AGBL4: variants seen among roughly 807,000 people sequenced by gnomAD.
The protein encoded by AGBL4 is AGBL carboxypeptidase 4, also known as cytosolic carboxypeptidase 6.
Under a neutral mutation model 66.4 loss-of-function variants are expected in AGBL4, and 58 were observed. The ratio of observed to expected loss-of-function variants is 0.87; its 90% CI spans 0.71 to 1.09. The LOEUF is 1.09. AGBL4 is among the 50% of genes least tolerant of loss of function. The probability of loss-of-function intolerance (pLI) is 0.00; values close to 1 mark genes in which losing one functional copy is unlikely to be tolerated. For synonymous variants in AGBL4, 234 were observed against 222.9 expected (o/e 1.05, Z -0.44); for missense variants, 579 against 631.0 (o/e 0.92, Z 0.88).
intron 6 of AGBL4, among the ~76,000 whole-genome samples, chr1:48,664,260 G>A (rs1646152274): frequency 6.6e-6 from 1 of 152,180 alleles, no homozygotes; most frequent in Non-Finnish European, 1.5e-5. Flanking sequence ...GAATCCTCTT[G>A]ATTCTTTGTT....
chr1:48,836,888 G>C (rs2148791051), intron 6 of AGBL4, among the ~76,000 whole-genome samples: 1 of 150,518 alleles, frequency 6.6e-6, no homozygotes, highest in Admixed American at 6.6e-5. Flanking sequence ...GTAGAGGCTG[G>C]GCTAAATGTA....
At chr1:49,180,448 AC>A (rs1646910725) in intron 4 of AGBL4, among the ~76,000 whole-genome samples, 1 of 152,170 alleles carries the variant, frequency 6.6e-6, no homozygotes, top group South Asian at 2.1e-4. Flanking sequence ...CTTTCCAACA[AC>A]CATTTTACAG....
chr1:49,983,340 T>C (rs1305780081), intron 1 of AGBL4, among the ~76,000 whole-genome samples: 1 of 152,230 alleles, frequency 6.6e-6, no homozygotes, highest in Non-Finnish European at 1.5e-5. Flanking sequence ...AAGCTGCTTG[T>C]GGTACACCTA....
At chr1:49,661,030 T>A (rs1048455268) in intron 3 of AGBL4, among the ~76,000 whole-genome samples, 1 of 152,106 alleles carries the variant, frequency 6.6e-6, no homozygotes, top group Non-Finnish European at 1.5e-5. Context: ...GATGGGTTGA[T>A]AAGTGCAGCA....
At chr1:48,752,903 C>A (rs962241806) in intron 6 of AGBL4, among the ~76,000 whole-genome samples, 2 of 152,158 alleles carry the variant, frequency 1.3e-5, no homozygotes, top group African/African-American at 4.8e-5. Flanking sequence ...GCACGCGCCC[C>A]CATGCCCAGC....
At chr1:49,704,255 A>T (rs1294664293) in intron 2 of AGBL4, among the ~76,000 whole-genome samples, 1 of 152,092 alleles carries the variant, frequency 6.6e-6, no homozygotes, top group Non-Finnish European at 1.5e-5. Context: ...AGTAATCAAG[A>T]CAGTTTGGTA....
At chr1:49,721,713 C>G (rs1434074788) in intron 2 of AGBL4, among the ~76,000 whole-genome samples, 1 of 151,992 alleles carries the variant, frequency 6.6e-6, no homozygotes, top group Non-Finnish European at 1.5e-5. Context: ...AAAGGCCAAG[C>G]AAGAATTGAT....
intron 3 of AGBL4, among the ~76,000 whole-genome samples, chr1:49,678,223 CTA>C (rs1172007465): frequency 6.6e-6 from 1 of 152,128 alleles, no homozygotes; most frequent in African/African-American, 2.4e-5. Context: ...CTCATTTCAT[CTA>C]ACTTGCCAAA....
chr1:48,963,807 C>G (rs1159862245), intron 5 of AGBL4, among the ~76,000 whole-genome samples: 1 of 152,132 alleles, frequency 6.6e-6, no homozygotes, highest in Non-Finnish European at 1.5e-5. Flanking sequence ...TTAGTAATGA[C>G]TATTGTTGAT....
intron 6 of AGBL4, among the ~76,000 whole-genome samples, chr1:48,668,592 C>T (rs1482245506): frequency 6.6e-6 from 1 of 152,150 alleles, no homozygotes; most frequent in African/African-American, 2.4e-5. Context: ...AGGATGCCAG[C>T]CCCCATCTTG....
intron 4 of AGBL4, among the ~76,000 whole-genome samples, chr1:49,148,672 T>G (rs572665310): frequency 1.3e-5 from 2 of 152,284 alleles, no homozygotes; most frequent in East Asian, 1.9e-4. Context: ...AACTTGAAAT[T>G]TTCTCAGTCC....
intron 5 of AGBL4, among the ~76,000 whole-genome samples, chr1:48,882,977 A>C (rs1197304020): frequency 6.6e-6 from 1 of 152,222 alleles, no homozygotes; most frequent in African/African-American, 2.4e-5. Context: ...ATAGTATTTC[A>C]TTGTGTATAT....
chr1:49,029,287 A>G (rs1036377581), intron 5 of AGBL4, among the ~76,000 whole-genome samples: 2 of 152,312 alleles, frequency 1.3e-5, no homozygotes, highest in Non-Finnish European at 1.5e-5. Context: ...CTACTTGCAG[A>G]TGATATGATC....
At chr1:49,962,608 G>A (rs1197879350) in intron 1 of AGBL4, among the ~76,000 whole-genome samples, 1 of 152,102 alleles carries the variant, frequency 6.6e-6, no homozygotes, top group Non-Finnish European at 1.5e-5. Flanking sequence ...AATACTTAGT[G>A]AGATCTTACT....
chr1:49,577,027 G>C (rs1174299443), intron 3 of AGBL4, among the ~76,000 whole-genome samples: 1 of 152,238 alleles, frequency 6.6e-6, no homozygotes, highest in East Asian at 1.9e-4. Context: ...ATTATATACT[G>C]ATTCAAGGGC....
chr1:49,777,426 A>C (rs894621009), intron 2 of AGBL4, among the ~76,000 whole-genome samples: 1 of 152,232 alleles, frequency 6.6e-6, no homozygotes. Context: ...AAAGTATAGA[A>C]ATCATTAAAA....
chr1:49,644,848 A>T (rs1387198977), intron 3 of AGBL4, among the ~76,000 whole-genome samples: 1 of 151,556 alleles, frequency 6.6e-6, no homozygotes, highest in African/African-American at 2.4e-5. Context: ...ACATTTACCA[A>T]GGTAAACTAT....
chr1:48,862,011 C>G (rs541763279), intron 6 of AGBL4, among the ~76,000 whole-genome samples: 1 of 152,324 alleles, frequency 6.6e-6, no homozygotes, highest in Non-Finnish European at 1.5e-5. Flanking sequence ...TCACCAGACA[C>G]TCTTTACAGG....
At chr1:49,170,776 T>C (rs1309795787) in intron 4 of AGBL4, among the ~76,000 whole-genome samples, 3 of 152,034 alleles carry the variant, frequency 2.0e-5, no homozygotes, top group Admixed American at 6.6e-5. Context: ...TTCTTTGTTA[T>C]GGTAGTTATC....
Sources: gnomAD v4.1 joint callset for allele counts (sites outside exome capture counted in the v4.1 genomes callset) on GRCh38, gnomAD v4.1.1 for gene constraint, MANE v1.5 for transcripts, NCBI Gene and HGNC (gene_info 2026-07-23, HGNC 2026-07-21) for gene names.